AGAP3: variants seen among roughly 807,000 people sequenced by gnomAD.
The protein encoded by AGAP3 is arf-GAP with GTPase, ANK repeat and PH domain-containing protein 3.
Under a neutral mutation model 96.9 loss-of-function variants are expected in AGAP3, and 24 were observed. That is an observed-to-expected ratio of 0.25 (90% confidence interval 0.18 to 0.35). AGAP3 has a LOEUF of 0.35. Among genes scored for constraint, AGAP3 ranks in the 10% least tolerant of loss-of-function variants. The pLI, the probability that AGAP3 is intolerant of heterozygous loss-of-function variation, is 1.00. For missense variants in AGAP3, 876 were observed against 1,254.2 expected (o/e 0.70, Z 4.55); for synonymous variants, 563 against 536.1 (o/e 1.05, Z -0.69).
intron 9 of AGAP3, among the ~76,000 whole-genome samples, chr7:151,124,305 C>T (rs750798698): frequency 2.0e-5 from 3 of 152,196 alleles, no homozygotes; most frequent in Non-Finnish European, 4.4e-5. Context: ...TTAATAAGGG[C>T]CTCTGTTCGT....
At chr7:151,128,402 A>C in intron 9 of AGAP3, 178 bp from the exon 10 acceptor site, 12 of 559,240 alleles carry the variant, frequency 2.1e-5, no homozygotes, top group East Asian at 3.0e-5. Flanking sequence ...GTTCTGGGGA[A>C]GGACTGGTCT....
chr7:151,134,314 A>G (rs1800509260), intron 10 of AGAP3, 86 bp from the exon 11 acceptor site: 7 of 1,442,678 alleles, frequency 4.9e-6, no homozygotes, highest in Middle Eastern at 1.8e-4. Flanking sequence ...CTCCCACAGC[A>G]GGGAGAGACC....
intron 1 of AGAP3, 106 bp downstream of exon 1, chr7:151,087,178 T>A (rs542896542): frequency 0.024 from 30,351 of 1,271,676 alleles, 470 homozygotes; most frequent in Non-Finnish European, 0.03. Context: ...TCGGGGGTCC[T>A]TGCGCGCTTG....
Position 151,114,709 on chromosome 7 carries a change from C to T in AGAP3, c.332-2084C>T, listed in dbSNP as rs1799454798. Reference sequence around the variant, plus strand: ...GGTCCGTGCGCCCCGGCCGCGGCCCCGGCCCGGGCCCAGCCCCGTGCCCCT... The same window carrying T: ...GGTCCGTGCGCCCCGGCCGCGGCCCTGGCCCGGGCCCAGCCCCGTGCCCCT... On this transcript the variant is annotated intron_variant, in intron 1 of 17. Transcript: ENST00000397238. This position sits in a 1 kb window ranked among gnomAD's most constrained non-coding sequence, Gnocchi z 4.4. The T allele has an allele frequency of 1.7e-5, 17 of 998,546 alleles. No homozygotes were observed. The highest frequency in any genetic ancestry group is 5.0e-4 in the Middle Eastern group (1 of 1,982). 61.9% of individuals were successfully genotyped at this position (998,546 alleles called of 1,614,324 possible).
At chr7:151,110,390 A>G (rs970756031) in intron 1 of AGAP3, among the ~76,000 whole-genome samples, 5 of 152,182 alleles carry the variant, frequency 3.3e-5, no homozygotes, top group African/African-American at 1.2e-4. Context: ...CCACGGTCCA[A>G]ATGCCTTCAG....
intron 1 of AGAP3, among the ~76,000 whole-genome samples, chr7:151,092,552 G>A (rs1798440386): frequency 6.6e-6 from 1 of 152,198 alleles, no homozygotes; most frequent in African/African-American, 2.4e-5. Context: ...ATTGGGTGGT[G>A]CATGTTCCAC....
At chr7:151,136,986 G>A (rs1403342958) in intron 11 of AGAP3, among the ~76,000 whole-genome samples, 1 of 152,234 alleles carries the variant, frequency 6.6e-6, no homozygotes, top group Non-Finnish European at 1.5e-5. Context: ...TGTGCTGCAC[G>A]TATGTGACTA....
At chr7:151,115,743 CGGG>C (rs1799545405) in intron 1 of AGAP3, 4 of 764,796 alleles carry the variant, frequency 5.2e-6, no homozygotes, top group Non-Finnish European at 6.5e-6. Context: ...CCGGGGCTGG[CGGG>C]GTCTGGGGTC....
chr7:151,143,909 C>T lies in AGAP3; in HGVS notation c.2702C>T (p.Ser901Phe). Residue 901 changes from serine to phenylalanine, a missense_variant, in exon 18 of 18, where the codon TCT becomes TTT. By Grantham distance (155) the Ser-to-Phe change is radical. Around this residue, in one of 8 missense-constraint regions of AGAP3, gnomAD observed 213 missense variants for 253.8 expected, o/e 0.84. Transcript: ENST00000397238. The surrounding 1 kb of genome is among the most constrained non-coding windows in gnomAD (Gnocchi z 5.9). ...GAGCCTGCCAATGGCACCAACCCCT[C>T]TGCTGAGCTGCACCGTAGTCCTAGC... is the stretch of plus-strand genomic sequence containing the variant. ...NREPANGTNP[S>F]AELHRSPSLL 1.2e-6 allele frequency: 2 copies of T among 1,614,076 alleles called. No individual in the cohort carries two copies. Among genetic ancestry groups the T allele is most frequent in the East Asian group, 2.2e-5 (1 of 44,880 alleles).
intron 1 of AGAP3, chr7:151,090,300 G>A (rs1798340561): frequency 6.6e-6 from 1 of 150,794 alleles, no homozygotes; most frequent in Non-Finnish European, 1.5e-5. Context: ...TGTGCCATAT[G>A]GCTACTATTA....
intron 10 of AGAP3, among the ~76,000 whole-genome samples, chr7:151,128,905 C>G (rs527474875): frequency 6.6e-6 from 1 of 152,206 alleles, no homozygotes; most frequent in African/African-American, 2.4e-5. Context: ...GCTGTATATC[C>G]GACTTTCCAG....
rs1800849084 is a variant in AGAP3, at chr7:151,142,333, G to T, written c.2051-79G>T. On this transcript the variant is annotated intron_variant, in intron 15 of 17. Transcript: ENST00000397238. The surrounding 1 kb of genome is among the most constrained non-coding windows in gnomAD (Gnocchi z 7.5). ...CAAGCATCAGGGAGCAGGGAAGAGG[G>T]CAGGGAAGCCTTCCCTAGTTGTCCC... is the stretch of plus-strand genomic sequence containing the variant. The T allele has an allele frequency of 6.3e-7, 1 of 1,592,116 alleles. No homozygotes were observed. Among genetic ancestry groups the T allele is most frequent in the Non-Finnish European group, 8.6e-7 (1 of 1,163,824 alleles).
Position 151,143,880 on chromosome 7 carries a change from C to T in AGAP3, c.2673C>T (p.Asn891=), listed in dbSNP as rs528505019. Residue 891 remains asparagine, a synonymous_variant, in exon 18 of 18, where the codon AAC becomes AAT. Transcript: ENST00000397238. The surrounding 1 kb of genome is among the most constrained non-coding windows in gnomAD (Gnocchi z 5.9). ...GEGCGLAPTP[N]REPANGTNPS... ...GCTGTGGCTTAGCGCCTACCCCCAA[C>T]AGAGAGCCTGCCAATGGCACCAACC... is the stretch of plus-strand genomic sequence containing the variant. 4 of 1,614,002 alleles carry T rather than the reference C, an allele frequency of 2.5e-6. No homozygotes were observed. In the South Asian group the frequency reaches 4.4e-5, roughly 18 times the overall value.
intron 9 of AGAP3, chr7:151,128,217 TACTCCTG>T: frequency 4.2e-6 from 1 of 239,768 alleles, no homozygotes; most frequent in South Asian, 7.0e-5. Flanking sequence ...CCTGAGCGTC[TACTCCTG>T]GCCGTCTATA....
rs550587010 is a variant in AGAP3 at position 151,095,489 on chromosome 7, C to T, written c.331+8417C>T. ...GTTTTGATGGCTTGCAAACCTGAAA[C>T]CCCAGCGCCTGGAGTGGGATCAAAG... is the stretch of plus-strand genomic sequence containing the variant. On this transcript the variant is annotated intron_variant, in intron 1 of 17. Transcript: ENST00000397238. Among the ~76,000 whole-genome samples, 3 of 152,172 alleles carry T rather than the reference C, an allele frequency of 2.0e-5. No homozygotes were observed. The South Asian group carries it at 6.2e-4, about 32-fold the overall frequency.
chr7:151,134,457 G>T lies in AGAP3; in HGVS notation c.1384G>T (p.Val462Leu). The change falls in exon 11 of 18, where the codon GTG becomes TTG. Residue 462 changes from valine (V) to leucine (L), a missense_variant. Coordinates refer to ENST00000397238, the MANE Select transcript of AGAP3 (RefSeq NM_031946.7). ...EIDLLRTTVK[V>L]PGKRLPRATP... The stretch of plus-strand genomic sequence containing the variant: ...TGACCTGCTGCGGACAACGGTGAAA[G>T]TGCCAGGGAAGCGCCTGCCCCGAGC... 6.2e-7 allele frequency: 1 copy of T among 1,613,370 alleles called. No individual in the cohort carries two copies. The highest frequency in any genetic ancestry group is 8.5e-7 in the Non-Finnish European group (1 of 1,180,022).
intron 9 of AGAP3, among the ~76,000 whole-genome samples, chr7:151,126,091 TCCGCCCGCG>T (rs1563499475): frequency 6.2e-5 from 9 of 144,422 alleles, no homozygotes; most frequent in Non-Finnish European, 1.4e-4. Flanking sequence ...GCCCGGTCGT[TCCGCCCGCG>T]CCCCCGGCTA....
chr7:151,101,918 G>C lies in AGAP3; in HGVS notation c.331+14846G>C, dbSNP rs1263132319. Among the ~76,000 whole-genome samples the C allele has an allele frequency of 2.0e-5, 3 of 152,204 alleles. No individual in the cohort carries two copies. The East Asian group carries it at 5.8e-4, about 29-fold the overall frequency. On this transcript the variant is annotated intron_variant, in intron 1 of 17. Coordinates refer to ENST00000397238, the MANE Select transcript of AGAP3 (RefSeq NM_031946.7). ...GCCTGGGTGAGGGGAGCCATGCGGG[G>C]GTGAGGGCTGGCAGAGGTGAGTTCT...
Position 151,114,945 on chromosome 7 carries a change from A to C in AGAP3, c.332-1848A>C. The C allele has an allele frequency of 1.0e-6, 1 of 983,248 alleles. No individual in the cohort carries two copies. Among genetic ancestry groups the C allele is most frequent in the Non-Finnish European group, 1.2e-6 (1 of 830,794 alleles). The allele number at this position is 983,248 out of a possible 1,614,324, so 60.9% of individuals were successfully genotyped here. A position where few individuals can be genotyped will look rare whatever the true frequency, so the allele number is the denominator to read the frequency against. The stretch of plus-strand genomic sequence containing the variant: ...CAGTGAGCAGCCGGCGCGGCCGCGG[A>C]GCGTGTGCTCGGGCGGCCCGGAGCC... On this transcript the variant is annotated intron_variant, in intron 1 of 17. Coordinates refer to ENST00000397238, the MANE Select transcript of AGAP3 (RefSeq NM_031946.7). The surrounding 1 kb of genome is among the most constrained non-coding windows in gnomAD (Gnocchi z 4.4).
Sources: gnomAD v4.1 joint callset for allele counts (sites outside exome capture counted in the v4.1 genomes callset) on GRCh38, gnomAD v4.1.1 for gene constraint, gnomAD v4.1.1 regional missense constraint, Gnocchi (gnomAD v3.1) non-coding constraint, MANE v1.5 for transcripts, NCBI Gene and HGNC (gene_info 2026-07-23, HGNC 2026-07-21) for gene names.